ARAP2: variants seen among roughly 807,000 people sequenced by gnomAD.
ARAP2 encodes ArfGAP with RhoGAP domain, ankyrin repeat and PH domain 2.
ARAP2 carries 148 observed loss-of-function variants against 194.5 expected under a neutral mutation model. The observed-to-expected ratio is 0.76, with a 90% CI of 0.67 to 0.87. The LOEUF (loss-of-function observed/expected upper bound fraction) is 0.87. Among genes scored for constraint, ARAP2 ranks in the 40% least tolerant of loss-of-function variants. The pLI, the probability that ARAP2 is intolerant of heterozygous loss-of-function variation, is 0.00. For missense variants in ARAP2, 2,128 were observed against 1,989.7 expected, an observed-to-expected ratio of 1.07 and a Z score of -1.32; for synonymous variants, 695 against 683.5, an observed-to-expected ratio of 1.02 and a Z score of -0.26.
rs114065518 is a variant in ARAP2, at chr4:36,181,092, C to T, written c.1679-3087G>A. Among the ~76,000 whole-genome samples the T allele has an allele frequency of 6.4e-3, 981 of 152,300 alleles. 15 individuals are homozygous for T. Among genetic ancestry groups the T allele is most frequent in the African/African-American group, 0.022 (932 of 41,552 alleles). On this transcript the variant is annotated intron_variant, in intron 8 of 32. Coordinates refer to ENST00000303965, the MANE Select transcript of ARAP2 (RefSeq NM_015230.4). ...AAGTTAGATACTGTGCTAGCTTTTG[C>T]CTGTTCTTCAAACCAAGATACTTCT...
At chr4:36,173,591 T>C (rs920152684) in intron 9 of ARAP2, among the ~76,000 whole-genome samples, 2 of 134,432 alleles carry the variant, frequency 1.5e-5, no homozygotes, top group Non-Finnish European at 3.0e-5. Context: ...TTAAAGAACA[T>C]AAAGTAATTA....
Position 36,222,705 on chromosome 4 carries a change from C to G in ARAP2, c.905+5877G>C, listed in dbSNP as rs1749442625. ...TTATTATTTCTTAATAAACTAAAGT[C>G]TGGGTCCACTATGGCAAGATTTTTT... On this transcript the variant is annotated intron_variant, in intron 2 of 32. Transcript: ENST00000303965. Among the ~76,000 whole-genome samples the G allele has an allele frequency of 4.6e-5, 7 of 151,308 alleles. No homozygotes were observed. The South Asian group carries it at 1.5e-3, about 31-fold the overall frequency.
chr4:36,194,563 T>G (rs1290968562), intron 6 of ARAP2, among the ~76,000 whole-genome samples: 1 of 152,250 alleles, frequency 6.6e-6, no homozygotes, highest in African/African-American at 2.4e-5. Context: ...TAACTTTTCT[T>G]GGCTCTCAGA....
chr4:36,107,711 C>A lies in ARAP2; in HGVS notation c.4157-18G>T. ...AGGACGCTCTGTAAAAAATAAATTC[C>A]AAATCAAATGGAAAATATATGAGGA... On this transcript the variant is annotated intron_variant, in intron 26 of 32. Transcript: ENST00000303965. 1 of 1,573,330 alleles carries A rather than the reference C, an allele frequency of 6.4e-7. No homozygotes were observed. Among genetic ancestry groups the A allele is most frequent in the Non-Finnish European group, 8.6e-7 (1 of 1,164,056 alleles).
chr4:36,059,294 C>T (rs965835451), intron 1 of ARAP2, among the ~76,000 whole-genome samples: 1 of 152,132 alleles, frequency 6.6e-6, no homozygotes, highest in East Asian at 1.9e-4. Context: ...TCTTTTGCTT[C>T]CTTCCACATA....
rs371470928 is a variant in ARAP2 at position 36,210,674 on chromosome 4, G to A, written c.1203C>T (p.Asp401=). 1 of 1,613,354 alleles carries A rather than the reference G, an allele frequency of 6.2e-7. No homozygotes were observed. Among genetic ancestry groups the A allele is most frequent in the Middle Eastern group, 1.7e-4 (1 of 6,058 alleles). The change falls in exon 6 of 33, where the codon GAC becomes GAT. Residue 401 remains aspartate, a synonymous_variant. Transcript: ENST00000303965. ...KVEDIWIPRE[D]KNNFLIDTAS... ...CAGTGTCTATCAAAAAATTGTTTTTGTCCTCTCGAGGTATCCAAATATCTT... is the reference window on the plus strand; with the variant it reads ...CAGTGTCTATCAAAAAATTGTTTTTATCCTCTCGAGGTATCCAAATATCTT...
In ARAP2 at chr4:36,043,827, AG is replaced by A. The variant is rs1560311467; in HGVS notation, n.607+2151del. On this transcript the variant is annotated intron_variant and non_coding_transcript_variant, in intron 5 of 12. Coordinates refer to the ARAP2 transcript ENST00000503225. ...AGGGAAGGGAAGGGAAGGGAAGGGA[AG>A]GGGAGGGGAGGGGAGGGGGGAGGGG... 5.1e-3 allele frequency among the ~76,000 whole-genome samples: 275 copies of A among 53,608 alleles called. 27 individuals are homozygous for A. The highest frequency in any genetic ancestry group is 6.4e-3 in the Non-Finnish European group (178 of 27,920). 35.2% of individuals were successfully genotyped at this position (53,608 alleles called of 152,430 possible).
intron 6 of ARAP2, among the ~76,000 whole-genome samples, chr4:36,016,121 G>T (rs185508000): frequency 5.3e-4 from 81 of 152,244 alleles, no homozygotes; most frequent in Non-Finnish European, 9.6e-4. Flanking sequence ...TAGTTGAAAT[G>T]AATGAACTGC....
At chr4:36,141,425 G>C (rs887679686) in intron 19 of ARAP2, among the ~76,000 whole-genome samples, 8 of 151,612 alleles carry the variant, frequency 5.3e-5, no homozygotes, top group Non-Finnish European at 1.2e-4. Flanking sequence ...CTTCTGTTTA[G>C]AGCTTTTTAG....
At chr4:36,055,896 C>A (rs955159311) in intron 2 of ARAP2, among the ~76,000 whole-genome samples, 5 of 152,132 alleles carry the variant, frequency 3.3e-5, no homozygotes, top group Non-Finnish European at 7.4e-5. Context: ...TAATTTCACA[C>A]TTTTATTTCA....
At chr4:36,215,125 T>G (rs1347045446) in intron 2 of ARAP2, among the ~76,000 whole-genome samples, 1 of 152,134 alleles carries the variant, frequency 6.6e-6, no homozygotes, top group African/African-American at 2.4e-5. Flanking sequence ...ATCTAAAAAA[T>G]GGAAAAATAA....
intron 15 of ARAP2, 24 bp from the exon 16 acceptor site, chr4:36,151,068 T>A: frequency 6.4e-7 from 1 of 1,572,912 alleles, no homozygotes; most frequent in Non-Finnish European, 8.6e-7. Context: ...ACAAAACAAA[T>A]AACAAATTGA....
At chr4:36,233,339 C>T (rs1751868197) in intron 1 of ARAP2, among the ~76,000 whole-genome samples, 1 of 152,158 alleles carries the variant, frequency 6.6e-6, no homozygotes, top group South Asian at 2.1e-4. Flanking sequence ...AGTGACCCTC[C>T]AGGTACTGAT....
chr4:36,152,218 A>G (rs1451240995), intron 15 of ARAP2, among the ~76,000 whole-genome samples: 2 of 152,222 alleles, frequency 1.3e-5, no homozygotes, highest in Non-Finnish European at 2.9e-5. Flanking sequence ...CGAATCCTTT[A>G]TGGACAATGG....
intron 19 of ARAP2, among the ~76,000 whole-genome samples, chr4:36,133,803 T>TC (rs1193181810): frequency 6.6e-6 from 1 of 151,798 alleles, no homozygotes; most frequent in Non-Finnish European, 1.5e-5. Context: ...TTTCCTCCTA[T>TC]CATTCTGGTC....
downstream of ARAP2, among the ~76,000 whole-genome samples, chr4:36,063,006 C>T (rs963835319): frequency 3.3e-5 from 5 of 152,062 alleles, no homozygotes; most frequent in African/African-American, 1.2e-4. Flanking sequence ...CTAATTCTGC[C>T]TTAACTAATT....
rs1339515504 is a variant in ARAP2 at position 36,066,360 on chromosome 4, G to A, written c.*1547C>T. The stretch of plus-strand genomic sequence containing the variant: ...CACCTATTTCATAAACTGTCCTGCA[G>A]TTTTGTGCTTTTTAAAAATTCTAAT... On this transcript the variant is annotated 3_prime_UTR_variant, in exon 33 of 33. Transcript: ENST00000303965. 2 of 152,168 alleles carry A rather than the reference G, an allele frequency of 1.3e-5. No individual in the cohort carries two copies. Among genetic ancestry groups the A allele is most frequent in the Admixed American group, 6.5e-5 (1 of 15,296 alleles). 9.4% of individuals were successfully genotyped at this position (152,168 alleles called of 1,614,324 possible). A position where few individuals can be genotyped will look rare whatever the true frequency, so the allele number is the denominator to read the frequency against.
At chr4:36,212,333 G>C in intron 5 of ARAP2, 63 bp downstream of exon 5, 1 of 1,323,036 alleles carries the variant, frequency 7.6e-7, no homozygotes, top group Non-Finnish European at 1.1e-6. Context: ...CTAAGAATGA[G>C]AAGTCAACAT....
At chr4:36,097,469 C>T (rs1715623165) in intron 27 of ARAP2, among the ~76,000 whole-genome samples, 1 of 152,014 alleles carries the variant, frequency 6.6e-6, no homozygotes, top group South Asian at 2.1e-4. Context: ...CTATATGTAA[C>T]AAAATGAAGG....
Sources: allele counts gnomAD v4.1 joint callset (sites outside exome capture counted in the v4.1 genomes callset), GRCh38; gene constraint gnomAD v4.1.1; transcripts MANE v1.5; gene names NCBI Gene and HGNC (gene_info 2026-07-23, HGNC 2026-07-21).